ZNF208: variants seen among roughly 807,000 people sequenced by gnomAD.
ZNF208 encodes the protein zinc finger protein 208.
ZNF208 carries 10 observed loss-of-function variants against 12.1 expected under a neutral mutation model. That is an observed-to-expected ratio of 0.83 (90% CI 0.51 to 1.40). The LOEUF is 1.40. ZNF208 is among the 40% of genes most tolerant of loss of function. The probability of loss-of-function intolerance (pLI) is 0.00; values close to 1 mark genes in which losing one functional copy is unlikely to be tolerated. For synonymous variants in ZNF208, 497 were observed against 488.4 expected, an observed-to-expected ratio of 1.02 and a Z score of -0.23; for missense variants, 1,652 against 1,485.0, an observed-to-expected ratio of 1.11 and a Z score of -1.85.
At chr19:22,003,059 T>G (rs1970981831) in intron 1 of ZNF208, among the ~76,000 whole-genome samples, 2 of 152,090 alleles carry the variant, frequency 1.3e-5, no homozygotes, top group South Asian at 4.1e-4. Context: ...CCTAAAACCA[T>G]CTGATCTTCA....
chr19:21,957,143 G>A (rs1413889527), intron 4 of ZNF208, among the ~76,000 whole-genome samples: 2 of 152,150 alleles, frequency 1.3e-5, no homozygotes, highest in African/African-American at 4.8e-5. Context: ...AGGTTCAAGT[G>A]ATTCTCCTGC....
downstream of ZNF208, among the ~76,000 whole-genome samples, chr19:21,964,095 G>A (rs1434805681): frequency 6.6e-6 from 1 of 151,818 alleles, no homozygotes; most frequent in East Asian, 1.9e-4. Flanking sequence ...CACACTGTAT[G>A]CCATAAATAT....
chr19:21,941,506 G>C, intron 4 of ZNF208: 2 of 397,132 alleles, frequency 5.0e-6, no homozygotes, highest in Non-Finnish European at 8.9e-6. Context: ...ATGAATAAAG[G>C]TGATTCTCAA....
chr19:21,996,169 T>G (rs1217454613), intron 1 of ZNF208, among the ~76,000 whole-genome samples: 1 of 152,212 alleles, frequency 6.6e-6, no homozygotes, highest in Non-Finnish European at 1.5e-5. Context: ...GCAGACAGTT[T>G]ATTTGGGTCA....
At position 21,971,302 on chromosome 19, in the gene ZNF208, C is replaced by T. The variant is rs1342330421; in HGVS notation, c.3732G>A (p.Lys1244=). 1 of 1,611,904 alleles carries T rather than the reference C, an allele frequency of 6.2e-7. No individual in the cohort carries two copies. Among genetic ancestry groups the T allele is most frequent in the South Asian group, 1.1e-5 (1 of 91,048 alleles). The change falls in exon 4 of 4, where the codon AAG becomes AAA. Residue 1244 remains lysine (K), a synonymous_variant. Transcript: ENST00000397126. ...FSTFSILTKH[K]VIHTGEKPYK... is the part of the protein sequence containing the mutation. Reference sequence around the variant, plus strand: ...AGGGTTTCTCTCCAGTATGAATTACCTTATGTTTAGTGAGGATTGAGAACG... The same window carrying T: ...AGGGTTTCTCTCCAGTATGAATTACTTTATGTTTAGTGAGGATTGAGAACG...
chr19:21,941,127 A>G (rs1334745283), intron 4 of ZNF208: 1 of 379,426 alleles, frequency 2.6e-6, no homozygotes, highest in African/African-American at 2.1e-5. Context: ...GTCAGACGCC[A>G]AGAACAGAAG....
At chr19:21,958,697 T>C (rs1343652865) in intron 4 of ZNF208, among the ~76,000 whole-genome samples, 1 of 152,062 alleles carries the variant, frequency 6.6e-6, no homozygotes, top group Admixed American at 6.6e-5. Flanking sequence ...AAACACATGT[T>C]TCTTCTGAGA....
intron 1 of ZNF208, among the ~76,000 whole-genome samples, chr19:22,005,917 A>C (rs1971036313): frequency 6.6e-6 from 1 of 152,188 alleles, no homozygotes; most frequent in Admixed American, 6.5e-5. Flanking sequence ...AACCCTTCTC[A>C]TCATGACTTA....
chr19:21,974,690 A>T lies in ZNF208; in HGVS notation c.344T>A (p.Ile115Asn). 2 of 1,613,538 alleles carry T rather than the reference A, an allele frequency of 1.2e-6. No individual in the cohort carries two copies. Among genetic ancestry groups the T allele is most frequent in the Non-Finnish European group, 1.7e-6 (2 of 1,179,686 alleles). Residue 115 changes from isoleucine to asparagine, a missense_variant, in exon 4 of 4, where the codon ATT (isoleucine) becomes AAT (asparagine). Transcript: ENST00000397126. ...ACACTCATCCACATTGGTATAACCA[A>T]TTTTTAAGTGTAAATTCTCATGTCC... ...KCGHENLHLK[I>N]GYTNVDECKV...
rs1469472676 is a variant in ZNF208, at chr19:21,972,771, C to T, written c.2263G>A (p.Gly755Ser). ...GEKPYKCEEC[G>S]KAYKWSSTLS... ...GTTGAGGACCACTTATAGGCTTTGC[C>T]ACATTCTTCACATTTGTAGGGTTTC... is the stretch of plus-strand genomic sequence containing the variant. Residue 755 changes from glycine to serine, a missense_variant, in exon 4 of 4, where the codon GGC (glycine) becomes AGC (serine). Gly to Ser is a moderately conservative substitution (Grantham distance 56, BLOSUM62 0). This residue lies in a region of ZNF208 where 1,239 missense variants were observed against 1,086.2 expected (regional missense o/e 1.14). Transcript: ENST00000397126. The T allele has an allele frequency of 1.1e-5, 17 of 1,611,490 alleles. No homozygotes were observed. Among genetic ancestry groups the T allele is most frequent in the Non-Finnish European group, 2.5e-6 (3 of 1,179,822 alleles).
At chr19:21,977,378 G>C (rs896123256) in intron 3 of ZNF208, among the ~76,000 whole-genome samples, 3 of 152,194 alleles carry the variant, frequency 2.0e-5, no homozygotes, top group African/African-American at 7.2e-5. Flanking sequence ...TGAGGTACTG[G>C]TTTCATCTCA....
Position 21,970,627 on chromosome 19 carries a change from A to AGGGC in ZNF208, c.*563_*564insGCCC. The stretch of plus-strand genomic sequence containing the variant: ...TTTGTAGGGCTTCTCACCAGTATGA[A>AGGGC]TTCTCTTATGTTCCATAAGGTTTGA... On this transcript the variant is annotated 3_prime_UTR_variant, in exon 4 of 4. Coordinates refer to ENST00000397126, the MANE Select transcript of ZNF208 (RefSeq NM_007153.3). 2.1e-6 allele frequency: 2 copies of AGGGC among 973,036 alleles called. No individual in the cohort carries two copies. The highest frequency in any genetic ancestry group is 2.6e-5 in the South Asian group (2 of 77,842). 60.3% of individuals were successfully genotyped at this position (973,036 alleles called of 1,614,324 possible).
Position 21,987,328 on chromosome 19 carries a change from GAAC to G in ZNF208, c.131-20_131-18del. 2 of 1,599,044 alleles carry G rather than the reference GAAC, an allele frequency of 1.3e-6. No individual in the cohort carries two copies. The highest frequency in any genetic ancestry group is 8.5e-7 in the Non-Finnish European group (1 of 1,173,622). On this transcript the variant is annotated intron_variant, in intron 2 of 3. Transcript: ENST00000397126. Reference sequence around the variant, plus strand: ...CAGCAATACCTGTTTTATTAAAAATGAACAACATGCTTCTTGCTCATATTCTCC... The same window carrying G: ...CAGCAATACCTGTTTTATTAAAAATGAACATGCTTCTTGCTCATATTCTCC...
rs757983877 is a variant in ZNF208 at position 21,971,278 on chromosome 19, G to A, written c.3756C>T (p.Pro1252=). ...KHKVIHTGEK[P]YKCEECGKAF... is the part of the protein sequence containing the mutation. ...CTTTGCCACATTCTTCACATTTGTA[G>A]GGTTTCTCTCCAGTATGAATTACCT... is the stretch of plus-strand genomic sequence containing the variant. The change falls in exon 4 of 4, where the codon CCC becomes CCT. Residue 1252 remains proline, a synonymous_variant. Transcript: ENST00000397126. The A allele has an allele frequency of 5.5e-5, 88 of 1,611,714 alleles. No homozygotes were observed. In the South Asian group the frequency reaches 9.1e-4, roughly 17 times the overall value.
In ZNF208 at chr19:21,971,357, T is replaced by C. The variant is rs781098985; in HGVS notation, c.3677A>G (p.Lys1226Arg). Reference sequence around the variant, plus strand: ...AAAGGCTTTGCCACATTCTTCACATTTGTAGGGTTTCTCTCCAGTATGAAT... The same window carrying C: ...AAAGGCTTTGCCACATTCTTCACATCTGTAGGGTTTCTCTCCAGTATGAAT... ...KKIHTGEKPY[K>R]CEECGKAFST... Residue 1226 changes from lysine to arginine, a missense_variant, in exon 4 of 4, where the codon AAA becomes AGA. Around this residue, in one of 3 missense-constraint regions of ZNF208, gnomAD observed 1,239 missense variants for 1,086.2 expected, o/e 1.14. Transcript: ENST00000397126. 17 of 1,611,322 alleles carry C rather than the reference T, an allele frequency of 1.1e-5. No homozygotes were observed. In the African/African-American group the frequency reaches 1.7e-4, roughly 16 times the overall value.
chr19:22,008,380 G>A (rs900361944), intron 1 of ZNF208, among the ~76,000 whole-genome samples: 1 of 150,830 alleles, frequency 6.6e-6, no homozygotes, highest in African/African-American at 2.4e-5. Context: ...GTACAGATAT[G>A]TCTGACTCAT....
chr19:21,951,222 T>A (rs1969882542), intron 4 of ZNF208, among the ~76,000 whole-genome samples: 3 of 152,268 alleles, frequency 2.0e-5, no homozygotes, highest in Non-Finnish European at 4.4e-5. Context: ...ACCATGCCCC[T>A]AACTATACTG....
In ZNF208 at chr19:22,010,888, G is replaced by A. The variant is rs1971137966; in HGVS notation, c.-94C>T. ...CAGAGGCTGGGACTCTAGGAGCAGA[G>A]GACACACAGCAGTAAGGACGAGACC... On this transcript the variant is annotated 5_prime_UTR_variant, in exon 1 of 4. Coordinates refer to ENST00000397126, the MANE Select transcript of ZNF208 (RefSeq NM_007153.3). The A allele has an allele frequency of 1.3e-6, 2 of 1,573,518 alleles. No homozygotes were observed. The highest frequency in any genetic ancestry group is 1.7e-6 in the Non-Finnish European group (2 of 1,144,118).
intron 1 of ZNF208, among the ~76,000 whole-genome samples, chr19:21,995,948 A>T (rs1970829115): frequency 6.6e-6 from 1 of 152,220 alleles, no homozygotes; most frequent in Admixed American, 6.5e-5. Flanking sequence ...GGTTTTCTGT[A>T]AATTCTCAAT....
Sources: gnomAD v4.1 joint callset for allele counts (sites outside exome capture counted in the v4.1 genomes callset) on GRCh38, gnomAD v4.1.1 for gene constraint, gnomAD v4.1.1 regional missense constraint, MANE v1.5 for transcripts, NCBI Gene and HGNC (gene_info 2026-07-23, HGNC 2026-07-21) for gene names.